Variants in TCOF1 observed in about 807,000 individuals in gnomAD.
TCOF1 encodes treacle ribosome biogenesis factor 1.
A neutral mutation model predicts 149.0 loss-of-function variants in TCOF1; 33 were observed. The observed-to-expected ratio is 0.22, with a 90% confidence interval of 0.17 to 0.30. The LOEUF (loss-of-function observed/expected upper bound fraction) is 0.30, where lower values mean the gene tolerates loss of function less well. TCOF1 is among the 10% of genes least tolerant of loss of function. TCOF1 has a pLI of 1.00. For synonymous variants in TCOF1, 789 were observed against 738.8 expected (o/e 1.07, Z -1.10); for missense variants, 1,728 against 1,840.7 (o/e 0.94, Z 1.12).
At chr5:150,391,889 G>A (rs1767514141) in intron 20 of TCOF1, 68 bp from the exon 21 acceptor site, 1 of 1,503,368 alleles carries the variant, frequency 6.7e-7, no homozygotes, top group Non-Finnish European at 9.2e-7. Context: ...CTACTGAAGT[G>A]TTCAGGAAGG....
At chr5:150,372,471 A>G (rs1762762860) in intron 7 of TCOF1, among the ~76,000 whole-genome samples, 1 of 152,252 alleles carries the variant, frequency 6.6e-6, no homozygotes, top group Non-Finnish European at 1.5e-5. Context: ...CGTCCCAGCC[A>G]GTCCTGCTGT....
Position 150,368,877 on chromosome 5 carries a change from G to C in TCOF1, c.540G>C (p.Pro180=), listed in dbSNP as rs746033635. ...VSETEEEGSV[P]AFGAAAKPGM... ...AAACTGAGGAGGAGGGCAGCGTCCC[G>C]GCCTTTGGAGCTGCTGCCAAGCCTG... Residue 180 remains proline (P), a synonymous_variant, in exon 5 of 27, where the codon CCG becomes CCC. Transcript: ENST00000643257. 2.5e-6 allele frequency: 4 copies of C among 1,613,802 alleles called. No individual in the cohort carries two copies. The South Asian group carries it at 3.3e-5, about 13-fold the overall frequency.
chr5:150,384,727 G>A, intron 17 of TCOF1: 2 of 985,502 alleles, frequency 2.0e-6, no homozygotes, highest in African/African-American at 3.5e-5. Flanking sequence ...CCCCCAGGAG[G>A]ATTCGGGGAA....
At chr5:150,368,059 G>A (rs1054011771) in intron 4 of TCOF1, 142 bp downstream of exon 4, 9 of 866,226 alleles carry the variant, frequency 1.0e-5, no homozygotes, top group Non-Finnish European at 1.7e-5. Flanking sequence ...CCAGTTGTGG[G>A]ATCTTAGTCC....
chr5:150,383,078 A>G, intron 17 of TCOF1: 1 of 1,535,944 alleles, frequency 6.5e-7, no homozygotes, highest in South Asian at 1.2e-5. Context: ...AGTAACTCCA[A>G]ACCTGCCAGA....
intron 5 of TCOF1, 116 bp from the exon 6 acceptor site, chr5:150,369,413 G>T (rs998134882): frequency 1.7e-6 from 2 of 1,187,126 alleles, no homozygotes; most frequent in Non-Finnish European, 2.5e-6. Flanking sequence ...AGGCACACGA[G>T]GGGTGAGCGC....
At chr5:150,361,893 G>T (rs1441398536) in intron 2 of TCOF1, among the ~76,000 whole-genome samples, 1 of 152,196 alleles carries the variant, frequency 6.6e-6, no homozygotes. Context: ...GCATGGGCTG[G>T]TTATCCATGG....
rs1177059695 is a variant in TCOF1 at position 150,390,021 on chromosome 5, C to A, written c.3181C>A (p.Gln1061Lys). The change falls in exon 19 of 27, where the codon CAG becomes AAG. Residue 1061 changes from glutamine (Q) to lysine (K), a missense_variant and splice_region_variant. Around this residue, in one of 2 missense-constraint regions of TCOF1, gnomAD observed 1,696 missense variants for 1,765.4 expected, o/e 0.96. Transcript: ENST00000643257. ...DGKKQEGPAT[Q>K]VSKKNPASLP... The stretch of plus-strand genomic sequence containing the variant: ...CAAGAAACAGGAGGGACCAGCCACT[C>A]AGGTACCTGGTGGGCAAGGGAGGGT... 1.2e-6 allele frequency: 2 copies of A among 1,608,792 alleles called. No individual in the cohort carries two copies. Among genetic ancestry groups the A allele is most frequent in the South Asian group, 2.2e-5 (2 of 90,476 alleles).
chr5:150,392,666 G>A, intron 21 of TCOF1, 39 bp from the exon 22 acceptor site: 1 of 1,610,330 alleles, frequency 6.2e-7, no homozygotes, highest in Non-Finnish European at 8.5e-7. Flanking sequence ...GCTGGCAGGG[G>A]CCACCTGGGG....
intron 23 of TCOF1, among the ~76,000 whole-genome samples, chr5:150,395,793 C>A (rs1367644343): frequency 2.0e-5 from 3 of 152,108 alleles, no homozygotes; most frequent in African/African-American, 4.8e-5. Flanking sequence ...TACAATGTAT[C>A]ATAGGAAGCC....
Position 150,379,325 on chromosome 5 carries a change from C to G in TCOF1, c.2575C>G (p.Gln859Glu), listed in dbSNP as rs201043592. 6.3e-5 allele frequency: 102 copies of G among 1,614,224 alleles called. 1 individual carries two copies. In the East Asian group the frequency reaches 2.3e-3, roughly 36 times the overall value. Residue 859 changes from glutamine to glutamate, a missense_variant, in exon 16 of 27, where the codon CAG (glutamine) becomes GAG (glutamate). Gln to Glu is a conservative substitution (Grantham distance 29). Coordinates refer to ENST00000643257, the MANE Select transcript of TCOF1 (RefSeq NM_001371623.1). ...GGGGAAGGCCGTGGCTACAGCAGCT[C>G]AGGCCCAGACAGGGCCAGAGGAGGA... is the stretch of plus-strand genomic sequence containing the variant. ...SVGKAVATAAQAQTGPEEDSG... is the reference protein window; with the variant it reads ...SVGKAVATAAEAQTGPEEDSG...
chr5:150,369,904 G>A lies in TCOF1; in HGVS notation c.639+302G>A, dbSNP rs116200870. On this transcript the variant is annotated intron_variant, in intron 6 of 26. Coordinates refer to ENST00000643257, the MANE Select transcript of TCOF1 (RefSeq NM_001371623.1). ...GCCTCAAAGCACAGTGGGCTTCACT[G>A]GGAAGGGATGTGGAGGAGGCAGGGC... is the stretch of plus-strand genomic sequence containing the variant. 7.1e-3 allele frequency among the ~76,000 whole-genome samples: 1,077 copies of A among 152,282 alleles called. 10 individuals carry two copies. Among genetic ancestry groups the A allele is most frequent in the African/African-American group, 0.025 (1,039 of 41,542 alleles).
chr5:150,385,195 T>A, intron 17 of TCOF1: 2 of 673,044 alleles, frequency 3.0e-6, no homozygotes, highest in Non-Finnish European at 3.7e-6. Flanking sequence ...GCCAACTTCT[T>A]CTATTAGTTT....
At chr5:150,360,662 T>C (rs1023820098) in intron 1 of TCOF1, among the ~76,000 whole-genome samples, 1 of 152,152 alleles carries the variant, frequency 6.6e-6, no homozygotes, top group African/African-American at 2.4e-5. Context: ...GTTGTTCTTC[T>C]TGTCTCTGGA....
At chr5:150,386,539 C>T (rs1014772639) in intron 17 of TCOF1, among the ~76,000 whole-genome samples, 9 of 152,202 alleles carry the variant, frequency 5.9e-5, no homozygotes, top group African/African-American at 2.2e-4. Context: ...CTTTATGCCT[C>T]TCCACAGCAC....
intron 23 of TCOF1, among the ~76,000 whole-genome samples, chr5:150,395,871 C>T (rs55752439): frequency 0.018 from 2,688 of 151,766 alleles, 54 homozygotes; most frequent in Non-Finnish European, 0.027. Context: ...TGGGTCCTGG[C>T]CAGAATCACA....
At chr5:150,398,981 A>T in intron 25 of TCOF1, 41 bp from the exon 26 acceptor site, 1 of 1,614,150 alleles carries the variant, frequency 6.2e-7, no homozygotes. Context: ...GGTGGGGAAA[A>T]GCTGCAGGTC....
At chr5:150,360,082 T>C (rs1759694096) in intron 1 of TCOF1, among the ~76,000 whole-genome samples, 1 of 152,214 alleles carries the variant, frequency 6.6e-6, no homozygotes, top group African/African-American at 2.4e-5. Context: ...AGAGGGAAAC[T>C]GACTCTTGAA....
chr5:150,379,549 G>A lies in TCOF1; in HGVS notation c.2676G>A (p.Lys892=), dbSNP rs762901589. 37 of 1,614,090 alleles carry A rather than the reference G, an allele frequency of 2.3e-5. No individual in the cohort carries two copies. The highest frequency in any genetic ancestry group is 2.9e-5 in the Non-Finnish European group (34 of 1,180,042). ...CCCTCCAGGTGAAGCCTTCAGGGAA[G>A]ACCCACCAGATCAGAGCTGCCTTGG... ...ETLAQVKPSG[K]THQIRAALAP... is the part of the protein sequence containing the mutation. Residue 892 remains lysine, a synonymous_variant, in exon 17 of 27, where the codon AAG becomes AAA. Transcript: ENST00000643257.
Sources: allele counts gnomAD v4.1 joint callset (sites outside exome capture counted in the v4.1 genomes callset), GRCh38; gene constraint gnomAD v4.1.1; regional missense constraint gnomAD v4.1.1; transcripts MANE v1.5; gene names NCBI Gene and HGNC (gene_info 2026-07-23, HGNC 2026-07-21).